Variants in OPCML observed in about 807,000 individuals in gnomAD.
The protein encoded by OPCML is opioid-binding protein/cell adhesion molecule.
OPCML carries 13 observed loss-of-function variants against 37.8 expected under a neutral mutation model. That is an observed-to-expected ratio of 0.34 (90% confidence interval 0.22 to 0.55). OPCML has a LOEUF of 0.55. Ranked by LOEUF, OPCML falls within the 20% of genes least tolerant of loss-of-function variation. The pLI, the probability that OPCML is intolerant of heterozygous loss-of-function variation, is 0.91. For missense variants in OPCML, 341 were observed against 435.6 expected (o/e 0.78, Z 1.93); for synonymous variants, 176 against 168.8 (o/e 1.04, Z -0.33).
At chr11:133,317,692 C>T (rs549299889) in intron 1 of OPCML, among the ~76,000 whole-genome samples, 14 of 152,294 alleles carry the variant, frequency 9.2e-5, no homozygotes, top group South Asian at 2.1e-4. Context: ...TGCCTGACCT[C>T]GCTCCACCAT....
chr11:132,606,949 G>C (rs1291372412), intron 3 of OPCML, among the ~76,000 whole-genome samples: 1 of 152,106 alleles, frequency 6.6e-6, no homozygotes, highest in Non-Finnish European at 1.5e-5. Context: ...CTTCCCAGGG[G>C]TTTCTGTCTG....
At chr11:132,874,726 G>A (rs1248567321) in intron 2 of OPCML, among the ~76,000 whole-genome samples, 1 of 152,158 alleles carries the variant, frequency 6.6e-6, no homozygotes, top group Non-Finnish European at 1.5e-5. Context: ...GAAACCTTAA[G>A]GTGGCTTAGC....
chr11:132,478,456 A>G (rs2136998384), intron 4 of OPCML, among the ~76,000 whole-genome samples: 1 of 152,322 alleles, frequency 6.6e-6, no homozygotes, highest in South Asian at 2.1e-4. Context: ...GAAGAGACAG[A>G]TAACGGGATA....
chr11:133,330,821 A>C (rs1002432326), intron 1 of OPCML, among the ~76,000 whole-genome samples: 1 of 152,322 alleles, frequency 6.6e-6, no homozygotes, highest in Non-Finnish European at 1.5e-5. Flanking sequence ...TGTACCCTAA[A>C]ACTTAAAGTA....
chr11:132,520,069 C>A (rs644475), intron 4 of OPCML, among the ~76,000 whole-genome samples: 2 of 151,908 alleles, frequency 1.3e-5, no homozygotes, highest in Non-Finnish European at 2.9e-5. Flanking sequence ...TTTGTTAGAA[C>A]AATACTGAGT....
chr11:133,416,020 T>C (rs553447944), intron 1 of OPCML, among the ~76,000 whole-genome samples: 19 of 152,314 alleles, frequency 1.2e-4, no homozygotes, highest in South Asian at 2.1e-4. Context: ...CACAGGCCTA[T>C]CAATATTTTA....
chr11:132,482,173 C>A (rs968793434), intron 4 of OPCML, among the ~76,000 whole-genome samples: 1 of 149,470 alleles, frequency 6.7e-6, no homozygotes, highest in Non-Finnish European at 1.5e-5. Context: ...AGACTGCTAG[C>A]AAGACTAATA....
intron 1 of OPCML, among the ~76,000 whole-genome samples, chr11:133,072,605 G>A (rs139718236): frequency 4.5e-4 from 68 of 152,320 alleles, no homozygotes; most frequent in East Asian, 4.1e-3. Context: ...AGTATGAAAC[G>A]TCTTTTGGCA....
chr11:132,698,929 C>T (rs534239822), intron 2 of OPCML, among the ~76,000 whole-genome samples: 1 of 152,054 alleles, frequency 6.6e-6, no homozygotes, highest in Non-Finnish European at 1.5e-5. Context: ...ATAAAGATTG[C>T]ATTGAAATTG....
rs115182747 is a variant in OPCML at position 133,399,357 on chromosome 11, T to C, written c.61+132907A>G. On this transcript the variant is annotated intron_variant, in intron 1 of 7. Transcript: ENST00000524381. ...ACTAAGTGTATGACCTTGGGCAGTTTGCTTAACCTCTTTAAGCATCAGTGA... is the reference window on the plus strand; with the variant it reads ...ACTAAGTGTATGACCTTGGGCAGTTCGCTTAACCTCTTTAAGCATCAGTGA... Among the ~76,000 whole-genome samples, 731 of 152,296 alleles carry C rather than the reference T, an allele frequency of 4.8e-3. 8 individuals carry two copies. Among genetic ancestry groups the C allele is most frequent in the African/African-American group, 0.015 (644 of 41,564 alleles).
At chr11:133,073,844 A>G (rs551085948) in intron 1 of OPCML, among the ~76,000 whole-genome samples, 1 of 152,348 alleles carries the variant, frequency 6.6e-6, no homozygotes, top group East Asian at 1.9e-4. Context: ...CTGAAAACTC[A>G]CAAGACCCCT....
At position 132,770,799 on chromosome 11, in the gene OPCML, A is replaced by G. The variant is rs1946610361; in HGVS notation, c.147-113480T>C. On this transcript the variant is annotated intron_variant, in intron 2 of 7. Coordinates refer to ENST00000524381, the MANE Select transcript of OPCML (RefSeq NM_001012393.5). The stretch of plus-strand genomic sequence containing the variant: ...AGAAGCCTGTGGCAAAAATTAGGGC[A>G]AGAAAGAATTGGAGAAGGGGGGACT... Among the ~76,000 whole-genome samples, 3 of 152,296 alleles carry G rather than the reference A, an allele frequency of 2.0e-5. 1 individual carries two copies. Among genetic ancestry groups the G allele is most frequent in the Middle Eastern group, 6.8e-3 (2 of 294 alleles).
intron 2 of OPCML, chr11:132,817,324 C>G (rs968397215): frequency 2.6e-5 from 4 of 152,086 alleles, no homozygotes; most frequent in African/African-American, 4.8e-5. Context: ...AAACTCAAGT[C>G]TACAAACCAG....
chr11:132,448,999 A>G (rs1482773588), intron 4 of OPCML, among the ~76,000 whole-genome samples: 6 of 152,206 alleles, frequency 3.9e-5, no homozygotes, highest in African/African-American at 1.4e-4. Context: ...TAAGTTCTGG[A>G]AATCTGATAA....
At chr11:132,927,217 G>T (rs935329825) in intron 2 of OPCML, among the ~76,000 whole-genome samples, 1 of 151,990 alleles carries the variant, frequency 6.6e-6, no homozygotes, top group East Asian at 1.9e-4. Flanking sequence ...CTTTAAGTAG[G>T]ATAAACCCAA....
chr11:132,960,870 G>C (rs1282053409), intron 1 of OPCML, among the ~76,000 whole-genome samples: 3 of 152,188 alleles, frequency 2.0e-5, no homozygotes, highest in African/African-American at 7.2e-5. Flanking sequence ...GAGAATACTG[G>C]AGACTGGGTC....
chr11:132,878,213 G>A (rs1423022004), intron 2 of OPCML, among the ~76,000 whole-genome samples: 2 of 152,100 alleles, frequency 1.3e-5, no homozygotes, highest in East Asian at 1.9e-4. Context: ...GCTGGCGGTA[G>A]TTCTCTGATG....
intron 1 of OPCML, among the ~76,000 whole-genome samples, chr11:133,035,117 G>A (rs1947754340): frequency 6.6e-6 from 1 of 152,178 alleles, no homozygotes; most frequent in African/African-American, 2.4e-5. Context: ...GATTTATACA[G>A]AGGGGAGGGT....
intron 4 of OPCML, among the ~76,000 whole-genome samples, chr11:132,487,917 T>A (rs1035065952): frequency 6.6e-6 from 1 of 152,236 alleles, no homozygotes; most frequent in Non-Finnish European, 1.5e-5. Context: ...AATATTTCTA[T>A]CCATGTAGAT....
Sources: allele counts gnomAD v4.1 joint callset (sites outside exome capture counted in the v4.1 genomes callset), GRCh38; gene constraint gnomAD v4.1.1; transcripts MANE v1.5; gene names NCBI Gene and HGNC (gene_info 2026-07-23, HGNC 2026-07-21).